Variants in CCAR2 observed in about 807,000 individuals in gnomAD.
CCAR2 encodes cell cycle and apoptosis regulator 2.
Under a neutral mutation model 108.1 loss-of-function variants are expected in CCAR2, and 21 were observed. The ratio of observed to expected loss-of-function variants is 0.19; its 90% confidence interval spans 0.14 to 0.28. CCAR2 has a LOEUF of 0.28. CCAR2 is among the 10% of genes least tolerant of loss of function. CCAR2 has a pLI of 1.00. For missense variants in CCAR2, 1,126 were observed against 1,177.0 expected, an observed-to-expected ratio of 0.96 and a Z score of 0.63; for synonymous variants, 577 against 472.8, an observed-to-expected ratio of 1.22 and a Z score of -2.86.
chr8:22,620,139 CTAGGTTCCGGACACAGGCTTCTGG>C lies in CCAR2; in HGVS notation c.*458_*481del, dbSNP rs1284677888. ...CCTCCTCCGGATGGCACAGGCTCTG[CTAGGTTCCGGACACAGGCTTCTGG>C]GGGAAGGGTCTCCCTTGGCCATCAC... On this transcript the variant is annotated 3_prime_UTR_variant, in exon 21 of 21. Transcript: ENST00000308511. 2.9e-5 allele frequency: 5 copies of C among 172,742 alleles called. No homozygotes were observed. The highest frequency in any genetic ancestry group is 6.3e-5 in the Non-Finnish European group (5 of 79,704). The allele number at this position is 172,742 out of a possible 1,614,324, so 10.7% of individuals were successfully genotyped here. A position where few individuals can be genotyped will look rare whatever the true frequency, so the allele number is the denominator to read the frequency against.
intron 6 of CCAR2, among the ~76,000 whole-genome samples, chr8:22,607,645 G>C (rs1476376815): frequency 6.6e-6 from 1 of 150,604 alleles, no homozygotes; most frequent in East Asian, 1.9e-4. Context: ...TTTTTTTTGA[G>C]AGAAAGTCTT....
intron 3 of CCAR2, 125 bp from the exon 4 acceptor site, chr8:22,606,482 C>T (rs2117410954): frequency 3.9e-6 from 3 of 762,248 alleles, no homozygotes; most frequent in Non-Finnish European, 4.5e-6. Context: ...CTGTACTTCA[C>T]TCTGTGCGAA....
At chr8:22,606,018 T>G in intron 2 of CCAR2, 67 bp from the exon 3 acceptor site, 1 of 1,447,258 alleles carries the variant, frequency 6.9e-7, no homozygotes, top group Non-Finnish European at 9.7e-7. Flanking sequence ...ATTTACCACA[T>G]CCTTTGGTTG....
At position 22,619,955 on chromosome 8, in the gene CCAR2, T is replaced by TCCTGGGGC; in HGVS notation, c.*277_*284dup. ...ATTTTGCCCTCAACCTTGGTATTTC[T>TCCTGGGGC]CCTGGGGCCCTTTTAGTCTTGTGCT... On this transcript the variant is annotated 3_prime_UTR_variant, in exon 21 of 21. Coordinates refer to ENST00000308511, the MANE Select transcript of CCAR2 (RefSeq NM_001393997.1). 1 of 509,396 alleles carries TCCTGGGGC rather than the reference T, an allele frequency of 2.0e-6. No individual in the cohort carries two copies. Among genetic ancestry groups the TCCTGGGGC allele is most frequent in the Non-Finnish European group, 3.6e-6 (1 of 281,086 alleles). 31.6% of individuals were successfully genotyped at this position (509,396 alleles called of 1,614,324 possible).
At position 22,619,143 on chromosome 8, in the gene CCAR2, C is replaced by G. The variant is rs1184884006; in HGVS notation, c.2522-7C>G. ...CAGCCGTCCCCGTTTCCTTCTCCAC[C>G]TTGCAGAGGAGAGCCATAACCGTTT... On this transcript the variant is annotated splice_polypyrimidine_tract_variant and splice_region_variant and intron_variant, in intron 19 of 20. Transcript: ENST00000308511. 1 of 1,603,764 alleles carries G rather than the reference C, an allele frequency of 6.2e-7. No individual in the cohort carries two copies. Among genetic ancestry groups the G allele is most frequent in the East Asian group, 2.2e-5 (1 of 44,610 alleles).
downstream of CCAR2, chr8:22,620,838 C>T (rs914517307): frequency 1.3e-5 from 2 of 152,396 alleles, no homozygotes; most frequent in African/African-American, 4.8e-5. Context: ...AGCTTGCGTT[C>T]CCGAGGTACC....
Position 22,619,241 on chromosome 8 carries a change from CGAG to C in CCAR2, c.2617_2619del (p.Glu873del). ...AGCTGCGAGTCCGGCTGGCGGAGGC[CGAG>C]GAGACCGCCCGGACGGCGGAGCGAC... is the stretch of plus-strand genomic sequence containing the variant. On this transcript the variant is annotated inframe_deletion, in exon 20 of 21. Transcript: ENST00000308511. The C allele has an allele frequency of 6.4e-7, 1 of 1,570,090 alleles. No homozygotes were observed. Among genetic ancestry groups the C allele is most frequent in the Non-Finnish European group, 8.6e-7 (1 of 1,158,170 alleles).
chr8:22,606,291 A>G, intron 3 of CCAR2, 115 bp downstream of exon 3: 1 of 945,510 alleles, frequency 1.1e-6, no homozygotes, highest in Non-Finnish European at 1.7e-6. Flanking sequence ...CTCTCCTGGT[A>G]GTGGGCTAGT....
At position 22,614,248 on chromosome 8, in the gene CCAR2, G is replaced by T. The variant is rs79692734; in HGVS notation, c.861G>T (p.Lys287Asn). Residue 287 changes from lysine to asparagine, a missense_variant, in exon 9 of 21, where the codon AAG (lysine) becomes AAT (asparagine). Lys to Asn is a moderately conservative substitution (Grantham distance 94, BLOSUM62 0). Coordinates refer to ENST00000308511, the MANE Select transcript of CCAR2 (RefSeq NM_001393997.1). ...GCCGGATCCAGGTCTCTTCTGAAAA[G>T]GAGGCAGCTCCAGACGCTGGTGCTG... ...HPSRIQVSSEKEAAPDAGAEP... is the reference protein window; with the variant it reads ...HPSRIQVSSENEAAPDAGAEP... 468 of 1,614,090 alleles carry T rather than the reference G, an allele frequency of 2.9e-4. 3 individuals are homozygous for T. In the African/African-American group the frequency reaches 5.4e-3, roughly 19 times the overall value.
At chr8:22,618,210 C>T in intron 16 of CCAR2, 139 bp from the exon 17 acceptor site, 1 of 1,126,614 alleles carries the variant, frequency 8.9e-7, no homozygotes, top group Non-Finnish European at 1.3e-6. Context: ...CCTGCCTTAG[C>T]CTCCCCAGCA....
intron 16 of CCAR2, 70 bp from the exon 17 acceptor site, chr8:22,618,279 C>T: frequency 6.2e-7 from 1 of 1,600,690 alleles, no homozygotes; most frequent in Non-Finnish European, 8.5e-7. Context: ...TCTGGACAGG[C>T]TGAATCCTGG....
chr8:22,609,361 A>C (rs1801196334), intron 7 of CCAR2, among the ~76,000 whole-genome samples: 1 of 152,196 alleles, frequency 6.6e-6, no homozygotes, highest in Non-Finnish European at 1.5e-5. Context: ...CATGTTGCCC[A>C]GGCTGGTCTC....
intron 11 of CCAR2, 189 bp from the exon 12 acceptor site, chr8:22,615,236 T>C: frequency 2.3e-6 from 2 of 852,328 alleles, no homozygotes; most frequent in Admixed American, 5.7e-5. Context: ...GCTTGTGTGG[T>C]TGCGGCCTCC....
chr8:22,611,905 T>C (rs531205812), intron 7 of CCAR2, among the ~76,000 whole-genome samples: 1 of 152,270 alleles, frequency 6.6e-6, no homozygotes, highest in East Asian at 1.9e-4. Flanking sequence ...AGTGTTTTTA[T>C]GACTTTAATG....
At chr8:22,614,046 G>C (rs773234896) in intron 8 of CCAR2, 46 bp from the exon 9 acceptor site, 4 of 1,539,016 alleles carry the variant, frequency 2.6e-6, no homozygotes, top group Non-Finnish European at 3.6e-6. Context: ...CATTTCGAAT[G>C]TTTTAGTCTT....
At chr8:22,614,360 A>T (rs1801411658) in intron 9 of CCAR2, 30 bp from the exon 10 acceptor site, 1 of 1,613,918 alleles carries the variant, frequency 6.2e-7, no homozygotes, top group African/African-American at 1.3e-5. Context: ...TGGAGGCTGA[A>T]GGCAGCTCTG....
At position 22,618,671 on chromosome 8, in the gene CCAR2, C is replaced by A. The variant is rs1801621607; in HGVS notation, c.2275C>A (p.Leu759Ile). ...VTQNICQYRS[L>I]QYSRQEGLDG... ...CCAGAACATCTGCCAGTACCGGAGC[C>A]TTCAGTACAGCCGCCAGGAGGGCCT... Residue 759 changes from leucine (L) to isoleucine (I), a missense_variant, in exon 18 of 21, where the codon CTT (leucine) becomes ATT (isoleucine). Physicochemically the swap from Leu to Ile is conservative, Grantham distance 5 (BLOSUM62 2). Transcript: ENST00000308511. 1.2e-6 allele frequency: 2 copies of A among 1,613,984 alleles called. No individual in the cohort carries two copies. The highest frequency in any genetic ancestry group is 3.3e-5 in the Admixed American group (2 of 60,010).
chr8:22,606,887 C>A (rs770759373), intron 4 of CCAR2, 23 bp from the exon 5 acceptor site: 2 of 1,610,444 alleles, frequency 1.2e-6, no homozygotes, highest in South Asian at 1.1e-5. Context: ...TCTGATGGGG[C>A]CTTCTGGCTT....
At chr8:22,621,413 G>T (rs963389537), downstream of CCAR2, 9 of 1,611,366 alleles carry the variant, frequency 5.6e-6, no homozygotes, top group African/African-American at 8.0e-5. Context: ...CTCCAAGAGT[G>T]ACGGGGATTC....
Sources: gnomAD v4.1 joint callset for allele counts (sites outside exome capture counted in the v4.1 genomes callset) on GRCh38, gnomAD v4.1.1 for gene constraint, MANE v1.5 for transcripts, NCBI Gene and HGNC (gene_info 2026-07-23, HGNC 2026-07-21) for gene names.